IBSP: variants seen among roughly 807,000 people sequenced by gnomAD.
The protein encoded by IBSP is integrin binding sialoprotein.
Under a neutral mutation model 25.5 loss-of-function variants are expected in IBSP, and 19 were observed. The observed-to-expected ratio is 0.74, with a 90% CI of 0.52 to 1.09. The LOEUF (loss-of-function observed/expected upper bound fraction) is 1.09. Ranked by LOEUF, IBSP falls within the 50% of genes least tolerant of loss-of-function variation. The probability of loss-of-function intolerance (pLI) is 0.00; values close to 1 mark genes in which losing one functional copy is unlikely to be tolerated. For synonymous variants in IBSP, 144 were observed against 137.6 expected (o/e 1.05, Z -0.33); for missense variants, 360 against 382.3 (o/e 0.94, Z 0.49).
Position 87,812,026 on chromosome 4 carries a change from C to G in IBSP, c.*116C>G. 7.8e-6 allele frequency: 6 copies of G among 773,132 alleles called. No homozygotes were observed. Among genetic ancestry groups the G allele is most frequent in the Non-Finnish European group, 1.2e-5 (6 of 503,080 alleles). 47.9% of individuals were successfully genotyped at this position (773,132 alleles called of 1,614,324 possible). A position where few individuals can be genotyped will look rare whatever the true frequency, so the allele number is the denominator to read the frequency against. On this transcript the variant is annotated 3_prime_UTR_variant, in exon 7 of 7. Transcript: ENST00000226284. ...GTGCATATTATAATGAGGAATGGTA[C>G]TACCGTTCCAGATTTTCTGTAATTG...
intron 4 of IBSP, 81 bp from the exon 5 acceptor site, chr4:87,806,041 T>G (rs2110057074): frequency 1.9e-6 from 2 of 1,045,844 alleles, no homozygotes; most frequent in East Asian, 2.5e-5. Flanking sequence ...TTATTGTGAT[T>G]CAATTAGCAG....
intron 5 of IBSP, among the ~76,000 whole-genome samples, chr4:87,806,826 G>A (rs1319981548): frequency 6.6e-6 from 1 of 152,076 alleles, no homozygotes; most frequent in Non-Finnish European, 1.5e-5. Context: ...CCAACATGGT[G>A]AAACCCTGTC....
Position 87,811,932 on chromosome 4 carries a change from C to A in IBSP, c.*22C>A, listed in dbSNP as rs768531890. ...GTGAAGCTCCAGCCTGGGATGAATT[C>A]ATCCATTCTGGCTTTGCATCCGGCT... On this transcript the variant is annotated 3_prime_UTR_variant, in exon 7 of 7. Transcript: ENST00000226284. 4.7e-6 allele frequency: 7 copies of A among 1,504,048 alleles called. No individual in the cohort carries two copies. In the East Asian group the frequency reaches 1.6e-4, roughly 35 times the overall value. The allele number at this position is 1,504,048 out of a possible 1,614,324, so 93.2% of individuals were successfully genotyped here.
In IBSP at chr4:87,811,791, G is replaced by GA. The variant is rs781470752; in HGVS notation, c.838dup (p.Ser280LysfsTer2). 9 of 1,613,476 alleles carry GA rather than the reference G, an allele frequency of 5.6e-6. No homozygotes were observed. Among genetic ancestry groups the GA allele is most frequent in the Non-Finnish European group, 5.1e-6 (6 of 1,179,742 alleles). ...ATACGACAATGGATATGAAATCTAT[G>GA]AAAGTGAGAACGGGGAACCTCGTGG... On this transcript the variant is annotated frameshift_variant, in exon 7 of 7. Coordinates refer to ENST00000226284, the MANE Select transcript of IBSP (RefSeq NM_004967.4). LOFTEE classifies it high-confidence loss of function.
At chr4:87,802,031 T>A (rs1262073784) in intron 1 of IBSP, among the ~76,000 whole-genome samples, 2 of 152,154 alleles carry the variant, frequency 1.3e-5, no homozygotes, top group African/African-American at 2.4e-5. Context: ...AAGAGGGCCA[T>A]TACGCCAGTG....
In IBSP at chr4:87,811,714, A is replaced by G; in HGVS notation, c.758A>G (p.Lys253Arg). 1 of 1,614,048 alleles carries G rather than the reference A, an allele frequency of 6.2e-7. No individual in the cohort carries two copies. The highest frequency in any genetic ancestry group is 8.5e-7 in the Non-Finnish European group (1 of 1,179,996). ...VYRTTSPPFG[K>R]TTTVEYEGEY... ...AGAACCACTTCCCCACCTTTTGGGAAAACCACCACCGTTGAATACGAGGGG... is the reference window on the plus strand; with the variant it reads ...AGAACCACTTCCCCACCTTTTGGGAGAACCACCACCGTTGAATACGAGGGG... Residue 253 changes from lysine to arginine, a missense_variant, in exon 7 of 7, where the codon AAA (lysine) becomes AGA (arginine). Coordinates refer to ENST00000226284, the MANE Select transcript of IBSP (RefSeq NM_004967.4).
At chr4:87,809,164 G>A (rs545619487) in intron 5 of IBSP, among the ~76,000 whole-genome samples, 49 of 152,162 alleles carry the variant, frequency 3.2e-4, no homozygotes, top group South Asian at 8.3e-4. Context: ...CTTTGTAAGC[G>A]CAAATTAGTG....
In IBSP at chr4:87,806,198, C is replaced by G. The variant is rs1465029549; in HGVS notation, c.246+14C>G. 3 of 1,606,438 alleles carry G rather than the reference C, an allele frequency of 1.9e-6. No individual in the cohort carries two copies. Among genetic ancestry groups the G allele is most frequent in the Non-Finnish European group, 2.6e-6 (3 of 1,175,648 alleles). Reference sequence around the variant, plus strand: ...GAGGAAGAAGAGGTAAGGAATTTTGCAATCTTTTCGTAATAAAGCAGACAG... The same window carrying G: ...GAGGAAGAAGAGGTAAGGAATTTTGGAATCTTTTCGTAATAAAGCAGACAG... On this transcript the variant is annotated intron_variant, in intron 5 of 6. Transcript: ENST00000226284.
At chr4:87,803,432 T>A (rs1722049290) in intron 4 of IBSP, among the ~76,000 whole-genome samples, 1 of 152,092 alleles carries the variant, frequency 6.6e-6, no homozygotes, top group African/African-American at 2.4e-5. Context: ...TTTTGCCGGG[T>A]TACCTGTGAA....
Position 87,810,715 on chromosome 4 carries a change from C to G in IBSP, c.356C>G (p.Thr119Arg), listed in dbSNP as rs866752943. ...ACACTGGGCTATGGAGAGGACGCCA[C>G]GCCTGGCACAGGGTATACAGGGTTA... ...ATTLGYGEDA[T>R]PGTGYTGLAA... Residue 119 changes from threonine to arginine, a missense_variant, in exon 6 of 7, where the codon ACG becomes AGG. Thr to Arg is a moderately conservative substitution (Grantham distance 71). Coordinates refer to ENST00000226284, the MANE Select transcript of IBSP (RefSeq NM_004967.4). The G allele has an allele frequency of 1.2e-6, 2 of 1,613,742 alleles. No individual in the cohort carries two copies. Among genetic ancestry groups the G allele is most frequent in the Non-Finnish European group, 1.7e-6 (2 of 1,179,828 alleles).
intron 5 of IBSP, among the ~76,000 whole-genome samples, chr4:87,806,427 C>G (rs1297556572): frequency 6.6e-6 from 1 of 152,062 alleles, no homozygotes; most frequent in Non-Finnish European, 1.5e-5. Flanking sequence ...AAAAATCTCT[C>G]CCTTTTAAGT....
At position 87,802,724 on chromosome 4, in the gene IBSP, C is replaced by T; in HGVS notation, c.176C>T (p.Pro59Leu). 1.3e-6 allele frequency: 2 copies of T among 1,537,584 alleles called. No homozygotes were observed. The highest frequency in any genetic ancestry group is 1.7e-6 in the Non-Finnish European group (2 of 1,149,206). ...AYFYPHLKRF[P>L]VQGSSDSSEE... Reference sequence around the variant, plus strand: ...TTTTATCCTCATTTAAAACGATTTCCAGTTCAGGTAAATATAGAAATTCAT... The same window carrying T: ...TTTTATCCTCATTTAAAACGATTTCTAGTTCAGGTAAATATAGAAATTCAT... Residue 59 changes from proline (P) to leucine (L), a missense_variant, in exon 4 of 7, where the codon CCA becomes CTA. Coordinates refer to ENST00000226284, the MANE Select transcript of IBSP (RefSeq NM_004967.4).
At chr4:87,808,700 G>A (rs1407939816) in intron 5 of IBSP, among the ~76,000 whole-genome samples, 1 of 152,112 alleles carries the variant, frequency 6.6e-6, no homozygotes, top group Non-Finnish European at 1.5e-5. Context: ...TATTATGAAT[G>A]TAGGATCATA....
chr4:87,806,327 T>A, intron 5 of IBSP, 143 bp downstream of exon 5: 1 of 671,678 alleles, frequency 1.5e-6, no homozygotes, highest in East Asian at 2.9e-5. Flanking sequence ...ATAAGCAGAA[T>A]TTTATTTAAA....
Position 87,806,108 on chromosome 4 carries a change from G to A in IBSP, c.184-14G>A, listed in dbSNP as rs1467437061. 6.3e-7 allele frequency: 1 copy of A among 1,592,086 alleles called. No individual in the cohort carries two copies. The highest frequency in any genetic ancestry group is 8.6e-7 in the Non-Finnish European group (1 of 1,162,258). ...CACAGATAAGAGTATACATACATGT[G>A]TATATATTTTTAGGGCAGTAGTGAC... On this transcript the variant is annotated splice_polypyrimidine_tract_variant and intron_variant, in intron 4 of 6. Transcript: ENST00000226284.
chr4:87,806,017 T>G, intron 4 of IBSP, 105 bp from the exon 5 acceptor site: 1 of 849,796 alleles, frequency 1.2e-6, no homozygotes. Context: ...ATTGAGTAAA[T>G]ATTTGTGTGT....
Position 87,811,715 on chromosome 4 carries a change from AACC to A in IBSP, c.766_768del (p.Thr256del), listed in dbSNP as rs752117086. 6.2e-7 allele frequency: 1 copy of A among 1,614,072 alleles called. No homozygotes were observed. The highest frequency in any genetic ancestry group is 1.7e-5 in the Admixed American group (1 of 60,014). ...GAACCACTTCCCCACCTTTTGGGAAAACCACCACCGTTGAATACGAGGGGGAGT... is the reference window on the plus strand; with the variant it reads ...GAACCACTTCCCCACCTTTTGGGAAAACCACCGTTGAATACGAGGGGGAGT... On this transcript the variant is annotated inframe_deletion, in exon 7 of 7. Transcript: ENST00000226284.
At chr4:87,801,101 G>A (rs1361553367) in intron 1 of IBSP, among the ~76,000 whole-genome samples, 1 of 152,062 alleles carries the variant, frequency 6.6e-6, no homozygotes, top group Non-Finnish European at 1.5e-5. Flanking sequence ...TACTCATGAG[G>A]AATTTATGTG....
intron 4 of IBSP, among the ~76,000 whole-genome samples, chr4:87,804,240 T>G (rs996370019): frequency 2.0e-5 from 3 of 152,178 alleles, no homozygotes; most frequent in Non-Finnish European, 4.4e-5. Context: ...AAATTTGATT[T>G]TCTTTAAGTG....
Sources: allele counts gnomAD v4.1 joint callset (sites outside exome capture counted in the v4.1 genomes callset), GRCh38; gene constraint gnomAD v4.1.1; transcripts MANE v1.5; gene names NCBI Gene and HGNC (gene_info 2026-07-23, HGNC 2026-07-21).